The following DOCK1 variants were observed in gnomAD, a reference collection of about 807,000 sequenced individuals.
DOCK1 encodes the protein dedicator of cytokinesis protein 1.
In DOCK1, 138 loss-of-function variants were observed where a neutral mutation model predicts 262.7. The ratio of observed to expected loss-of-function variants is 0.53; its 90% CI spans 0.46 to 0.61. DOCK1 has a LOEUF of 0.61. Among genes scored for constraint, DOCK1 ranks in the 20% least tolerant of loss-of-function variants. The pLI is 0.00. For synonymous variants in DOCK1, 866 were observed against 867.4 expected, an observed-to-expected ratio of 1.00 and a Z score of 0.03; for missense variants, 1,908 against 2,370.7, an observed-to-expected ratio of 0.80 and a Z score of 4.05.
chr10:127,042,497 G>A (rs113559610), intron 19 of DOCK1, 128 bp from the exon 20 acceptor site: 22 of 755,426 alleles, frequency 2.9e-5, no homozygotes, highest in African/African-American at 1.4e-4. Flanking sequence ...AAAGGATCCC[G>A]AATGGCTTTA....
At chr10:127,093,242 CTTTTTTTTTT>C (rs200302331) in intron 23 of DOCK1, among the ~76,000 whole-genome samples, 1 of 79,342 alleles carries the variant, frequency 1.3e-5, no homozygotes, top group Non-Finnish European at 2.2e-5. Context: ...TTTCTTTCTT[CTTTTTTTTTT>C]TTTTTTTTTT....
At chr10:127,155,518 C>T (rs1341995286) in intron 27 of DOCK1, among the ~76,000 whole-genome samples, 3 of 152,126 alleles carry the variant, frequency 2.0e-5, no homozygotes, top group East Asian at 1.9e-4. Flanking sequence ...CAGGCCATTC[C>T]GTTCTCCCGT....
chr10:127,378,278 A>G (rs775749570), intron 35 of DOCK1, among the ~76,000 whole-genome samples: 7 of 152,214 alleles, frequency 4.6e-5, no homozygotes, highest in Non-Finnish European at 1.0e-4. Context: ...CAAAATGGAA[A>G]TATAATGCAG....
At chr10:126,945,985 G>A (rs1331615473) in intron 1 of DOCK1, among the ~76,000 whole-genome samples, 1 of 152,168 alleles carries the variant, frequency 6.6e-6, no homozygotes, top group Non-Finnish European at 1.5e-5. Context: ...AGGCAGAGAC[G>A]CTCTGGACTC....
chr10:127,361,265 T>C (rs975087802), intron 32 of DOCK1, among the ~76,000 whole-genome samples: 52 of 151,864 alleles, frequency 3.4e-4, no homozygotes, highest in East Asian at 1.4e-3. Flanking sequence ...AGGCGCCCGC[T>C]ACCACGCCCA....
At chr10:127,008,193 G>A (rs2041176943) in intron 10 of DOCK1, among the ~76,000 whole-genome samples, 1 of 152,108 alleles carries the variant, frequency 6.6e-6, no homozygotes, top group Non-Finnish European at 1.5e-5. Flanking sequence ...CACCTCCTGG[G>A]CCCAAGCAAG....
At chr10:126,982,162 T>C (rs779235354) in intron 4 of DOCK1, among the ~76,000 whole-genome samples, 189 bp downstream of exon 4, 3 of 152,160 alleles carry the variant, frequency 2.0e-5, no homozygotes, top group Non-Finnish European at 4.4e-5. Context: ...TTTTATCCTT[T>C]ATGGAGTCTG....
chr10:126,956,045 T>G (rs1328376308), intron 1 of DOCK1, among the ~76,000 whole-genome samples: 1 of 152,154 alleles, frequency 6.6e-6, no homozygotes, highest in Non-Finnish European at 1.5e-5. Context: ...TGTGCTGGGA[T>G]GGACTCTCTG....
intron 43 of DOCK1, 84 bp from the exon 44 acceptor site, chr10:127,415,068 A>G: frequency 7.8e-7 from 1 of 1,287,510 alleles, no homozygotes; most frequent in Non-Finnish European, 1.1e-6. Context: ...CTTTGGAGTT[A>G]TTCTATAAAT....
At chr10:127,171,220 T>C (rs958419872) in intron 27 of DOCK1, among the ~76,000 whole-genome samples, 8 of 152,174 alleles carry the variant, frequency 5.3e-5, no homozygotes, top group Non-Finnish European at 1.2e-4. Context: ...GGAGAGTCTC[T>C]TACGAAAAAT....
intron 23 of DOCK1, among the ~76,000 whole-genome samples, chr10:127,081,779 A>C (rs1401277883): frequency 2.0e-5 from 3 of 152,286 alleles, no homozygotes; most frequent in Non-Finnish European, 4.4e-5. Context: ...TTTCTAAAAA[A>C]ATCACCTTTA....
At chr10:127,203,810 C>T (rs1466204039) in intron 27 of DOCK1, among the ~76,000 whole-genome samples, 1 of 152,078 alleles carries the variant, frequency 6.6e-6, no homozygotes, top group East Asian at 1.9e-4. Context: ...GTGCACCCCT[C>T]ACTTCGGGGT....
chr10:127,248,032 G>A lies in DOCK1; in HGVS notation c.2872G>A (p.Ala958Thr), dbSNP rs1249580664. Reference protein sequence around the residue: ...LIGNFVACMTAILRQMEDYHY... With the variant: ...LIGNFVACMTTILRQMEDYHY... ...GGGAAACTTCGTGGCTTGCATGACA[G>A]CTATTTTACGACAAATGGAAGATTA... The change falls in exon 28 of 52, where the codon GCT becomes ACT. Residue 958 changes from alanine to threonine, a missense_variant. Transcript: ENST00000623213. 6 of 1,613,802 alleles carry A rather than the reference G, an allele frequency of 3.7e-6. No individual in the cohort carries two copies. The African/African-American group carries it at 6.7e-5, about 18-fold the overall frequency.
At chr10:127,345,969 T>C (rs763746371) in intron 31 of DOCK1, among the ~76,000 whole-genome samples, 3 of 152,220 alleles carry the variant, frequency 2.0e-5, no homozygotes, top group Non-Finnish European at 4.4e-5. Context: ...TTCAACGCAC[T>C]GTAATCCACC....
chr10:127,089,827 T>G (rs1458873428), intron 23 of DOCK1, among the ~76,000 whole-genome samples: 1 of 152,244 alleles, frequency 6.6e-6, no homozygotes, highest in African/African-American at 2.4e-5. Context: ...GAGAAAAGAT[T>G]GTCTGACTTG....
intron 33 of DOCK1, among the ~76,000 whole-genome samples, chr10:127,363,225 C>G (rs1332498011): frequency 2.0e-5 from 3 of 152,138 alleles, no homozygotes; most frequent in African/African-American, 4.8e-5. Flanking sequence ...AATCATTATA[C>G]TGGACCGGAT....
chr10:127,253,179 A>G (rs1590134712), intron 28 of DOCK1, among the ~76,000 whole-genome samples: 1 of 152,230 alleles, frequency 6.6e-6, no homozygotes, highest in African/African-American at 2.4e-5. Context: ...GCTGGCTGCC[A>G]CGTGTCCACG....
intron 27 of DOCK1, among the ~76,000 whole-genome samples, chr10:127,128,894 GTTA>G (rs2050137517): frequency 6.6e-6 from 1 of 152,288 alleles, no homozygotes; most frequent in African/African-American, 2.4e-5. Context: ...TTTAGCACAT[GTTA>G]TCATTTAAGT....
chr10:127,350,959 A>G (rs917669069), intron 31 of DOCK1, among the ~76,000 whole-genome samples: 1 of 152,168 alleles, frequency 6.6e-6, no homozygotes, highest in Non-Finnish European at 1.5e-5. Context: ...ACCATGCACC[A>G]TTCTGGCAGC....
Sources: allele counts gnomAD v4.1 joint callset (sites outside exome capture counted in the v4.1 genomes callset), GRCh38; gene constraint gnomAD v4.1.1; transcripts MANE v1.5; gene names NCBI Gene and HGNC (gene_info 2026-07-23, HGNC 2026-07-21).